ULK4: variants seen among roughly 807,000 people sequenced by gnomAD.
ULK4 encodes inactive serine/threonine-protein kinase ULK4.
ULK4 carries 133 observed loss-of-function variants against 160.6 expected under a neutral mutation model. The observed-to-expected ratio is 0.83, with a 90% CI of 0.72 to 0.96. ULK4 has a LOEUF of 0.96. ULK4 is among the 40% of genes least tolerant of loss of function. The pLI, the probability that ULK4 is intolerant of heterozygous loss-of-function variation, is 0.00. For missense variants in ULK4, 1,580 were observed against 1,499.5 expected, an observed-to-expected ratio of 1.05 and a Z score of -0.89; for synonymous variants, 534 against 539.8, an observed-to-expected ratio of 0.99 and a Z score of 0.15.
chr3:41,544,333 C>G (rs915130317), intron 32 of ULK4, among the ~76,000 whole-genome samples: 1 of 152,200 alleles, frequency 6.6e-6, no homozygotes, highest in Non-Finnish European at 1.5e-5. Flanking sequence ...CCTTAAATGC[C>G]TTAAATCAGT....
At chr3:41,421,303 G>A (rs1311335503) in intron 34 of ULK4, among the ~76,000 whole-genome samples, 1 of 151,992 alleles carries the variant, frequency 6.6e-6, no homozygotes, top group African/African-American at 2.4e-5. Context: ...TCATCTTACA[G>A]CATTACCTGT....
chr3:41,512,130 A>G (rs2085598990), intron 32 of ULK4, among the ~76,000 whole-genome samples: 1 of 152,206 alleles, frequency 6.6e-6, no homozygotes, highest in African/African-American at 2.4e-5. Context: ...GACATACCTT[A>G]AGGCAATAAA....
chr3:41,394,525 CA>C (rs1387272632), intron 35 of ULK4, among the ~76,000 whole-genome samples: 5 of 152,132 alleles, frequency 3.3e-5, no homozygotes, highest in Non-Finnish European at 5.9e-5. Context: ...TCATCTAATA[CA>C]AAGCCTACTT....
intron 35 of ULK4, among the ~76,000 whole-genome samples, chr3:41,280,847 C>CA (rs1016267273): frequency 2.9e-4 from 44 of 151,696 alleles, no homozygotes; most frequent in African/African-American, 7.0e-4. Flanking sequence ...AAAAACCCTT[C>CA]AAAAAAAATC....
At chr3:41,893,459 G>A (rs1281945446) in intron 16 of ULK4, among the ~76,000 whole-genome samples, 2 of 152,032 alleles carry the variant, frequency 1.3e-5, no homozygotes, top group African/African-American at 4.8e-5. Flanking sequence ...CATTGACTGG[G>A]ATTATATATT....
intron 32 of ULK4, among the ~76,000 whole-genome samples, chr3:41,501,182 A>G (rs2085191219): frequency 7.1e-6 from 1 of 141,664 alleles, no homozygotes; most frequent in African/African-American, 2.6e-5. Flanking sequence ...CCAGTTTGGA[A>G]AACAGTCAGT....
intron 27 of ULK4, among the ~76,000 whole-genome samples, chr3:41,692,849 C>T (rs1452260117): frequency 6.6e-6 from 1 of 152,144 alleles, no homozygotes; most frequent in African/African-American, 2.4e-5. Context: ...CTAGGACCCC[C>T]ACCCATTTTT....
chr3:41,393,293 A>T (rs1424150338), intron 35 of ULK4, among the ~76,000 whole-genome samples: 1 of 152,186 alleles, frequency 6.6e-6, no homozygotes. Context: ...TGCTGCCAGC[A>T]GCCGTTTGTT....
At chr3:41,683,002 T>C (rs2035971272) in intron 27 of ULK4, among the ~76,000 whole-genome samples, 1 of 151,490 alleles carries the variant, frequency 6.6e-6, no homozygotes. Flanking sequence ...AGAAGATGAA[T>C]ACAGAAAAAT....
At chr3:41,379,063 GAAGC>G (rs1387438353) in intron 35 of ULK4, among the ~76,000 whole-genome samples, 1 of 152,006 alleles carries the variant, frequency 6.6e-6, no homozygotes, top group Non-Finnish European at 1.5e-5. Context: ...CGGGAGATGG[GAAGC>G]AAGGGGAGGG....
chr3:41,825,561 A>G (rs376841738), intron 18 of ULK4, among the ~76,000 whole-genome samples: 1 of 152,262 alleles, frequency 6.6e-6, no homozygotes, highest in South Asian at 2.1e-4. Context: ...AAAGGGTATC[A>G]GTGATGGAAG....
At chr3:41,804,550 C>T (rs1345479185) in intron 19 of ULK4, among the ~76,000 whole-genome samples, 3 of 150,680 alleles carry the variant, frequency 2.0e-5, no homozygotes, top group East Asian at 3.9e-4. Flanking sequence ...GACATGAAGT[C>T]CTTGCCCATG....
intron 17 of ULK4, among the ~76,000 whole-genome samples, chr3:41,856,192 A>G (rs2042332453): frequency 6.6e-6 from 1 of 152,046 alleles, no homozygotes; most frequent in Non-Finnish European, 1.5e-5. Flanking sequence ...CAAAAATGTG[A>G]TTATTATTCA....
At chr3:41,954,084 A>ACTCG (rs1700397208) in intron 2 of ULK4, among the ~76,000 whole-genome samples, 4 of 151,010 alleles carry the variant, frequency 2.6e-5, no homozygotes, top group Admixed American at 6.6e-5. Flanking sequence ...AGGCTGAAGC[A>ACTCG]GGAGAATGGC....
intron 32 of ULK4, among the ~76,000 whole-genome samples, chr3:41,527,242 G>A (rs940573542): frequency 1.3e-5 from 2 of 152,224 alleles, no homozygotes; most frequent in Non-Finnish European, 2.9e-5. Flanking sequence ...AGAGGGTTCA[G>A]CAGCTTGAGA....
intron 18 of ULK4, among the ~76,000 whole-genome samples, chr3:41,829,116 C>T (rs1374660404): frequency 4.0e-5 from 6 of 150,814 alleles, no homozygotes; most frequent in Admixed American, 6.6e-5. Flanking sequence ...AAACTGGATC[C>T]CTTCCTTACA....
At chr3:41,925,508 G>GT (rs1404102548) in intron 5 of ULK4, among the ~76,000 whole-genome samples, 2 of 152,022 alleles carry the variant, frequency 1.3e-5, no homozygotes, top group Non-Finnish European at 2.9e-5. Flanking sequence ...AGGTGCAGGA[G>GT]TTTTTTTTCA....
chr3:41,602,524 G>T (rs962542748), intron 31 of ULK4, among the ~76,000 whole-genome samples: 1 of 152,118 alleles, frequency 6.6e-6, no homozygotes, highest in African/African-American at 2.4e-5. Context: ...CCACAGCTAT[G>T]TAAGAACTTA....
rs529539057 is a variant in ULK4 at position 41,489,354 on chromosome 3, G to A, written c.3227-26101C>T. On this transcript the variant is annotated intron_variant, in intron 32 of 36. Transcript: ENST00000301831. ...CCAGTTGCTCATCACTAGCTGACTT[G>A]TAATATAATCCTTTATCAGGTACAG... 1.4e-4 allele frequency among the ~76,000 whole-genome samples: 22 copies of A among 152,270 alleles called. No individual in the cohort carries two copies. In the East Asian group the frequency reaches 3.5e-3, roughly 24 times the overall value.
Sources: allele counts gnomAD v4.1 joint callset (sites outside exome capture counted in the v4.1 genomes callset), GRCh38; gene constraint gnomAD v4.1.1; transcripts MANE v1.5; gene names NCBI Gene and HGNC (gene_info 2026-07-23, HGNC 2026-07-21).